SEM1: variants seen among roughly 807,000 people sequenced by gnomAD.
SEM1 encodes SEM1 26S proteasome subunit, also known as 26S proteasome complex subunit SEM1.
A neutral mutation model predicts 12.7 loss-of-function variants in SEM1; 3 were observed. The ratio of observed to expected loss-of-function variants is 0.24; its 90% confidence interval spans 0.11 to 0.61. The LOEUF (loss-of-function observed/expected upper bound fraction) is 0.61. SEM1 is among the 20% of genes least tolerant of loss of function. The pLI, the probability that SEM1 is intolerant of heterozygous loss-of-function variation, is 0.88. For synonymous variants in SEM1, 30 were observed against 27.8 expected (o/e 1.08, Z -0.25); for missense variants, 59 against 81.3 (o/e 0.73, Z 1.06).
intron 2 of SEM1, among the ~76,000 whole-genome samples, chr7:96,558,810 T>C (rs1278058149): frequency 2.6e-5 from 4 of 152,188 alleles, no homozygotes; most frequent in African/African-American, 4.8e-5. Flanking sequence ...ATGAAAAACA[T>C]TTCATCAGGA....
At chr7:96,632,784 GTT>G (rs11296451) in intron 2 of SEM1, among the ~76,000 whole-genome samples, 224 of 110,152 alleles carry the variant, frequency 2.0e-3, no homozygotes, top group South Asian at 4.1e-3. Context: ...GTTGTTTTTT[GTT>G]TTTTTTTTTT....
intron 1 of SEM1, chr7:96,706,194 G>A (rs943631537): frequency 6.6e-6 from 1 of 152,102 alleles, no homozygotes; most frequent in Non-Finnish European, 1.5e-5. Context: ...GCTATAGAAT[G>A]GGGGAAAAAA....
At chr7:96,531,208 T>G (rs1482212947) in intron 2 of SEM1, among the ~76,000 whole-genome samples, 3 of 151,986 alleles carry the variant, frequency 2.0e-5, no homozygotes, top group Non-Finnish European at 4.4e-5. Flanking sequence ...TGAAAATTTA[T>G]GCTCTAATAG....
chr7:96,485,936 T>G (rs1802736061), intron 2 of SEM1, among the ~76,000 whole-genome samples: 1 of 152,014 alleles, frequency 6.6e-6, no homozygotes, highest in African/African-American at 2.4e-5. Flanking sequence ...GGACTTTTTG[T>G]GGGGGGTAAG....
At chr7:96,633,323 T>C (rs1013881242) in intron 2 of SEM1, among the ~76,000 whole-genome samples, 1 of 152,174 alleles carries the variant, frequency 6.6e-6, no homozygotes, top group Non-Finnish European at 1.5e-5. Flanking sequence ...CTTGCCTTGG[T>C]ATTTTGTAAT....
intron 2 of SEM1, among the ~76,000 whole-genome samples, chr7:96,562,506 G>A (rs930696754): frequency 1.3e-5 from 2 of 152,070 alleles, no homozygotes; most frequent in East Asian, 1.9e-4. Flanking sequence ...TATGATAAGC[G>A]CTACGCTAAA....
chr7:96,631,373 A>G (rs1393927905), intron 2 of SEM1, among the ~76,000 whole-genome samples: 1 of 152,036 alleles, frequency 6.6e-6, no homozygotes, highest in Non-Finnish European at 1.5e-5. Context: ...GTTAAGTTTC[A>G]TCCAGTTTTT....
intron 2 of SEM1, among the ~76,000 whole-genome samples, chr7:96,528,555 A>G (rs1323464495): frequency 6.6e-6 from 1 of 152,184 alleles, no homozygotes; most frequent in Non-Finnish European, 1.5e-5. Context: ...TGTAAGATAC[A>G]TCAGACAGGC....
At chr7:96,614,154 A>G (rs1807632380) in intron 2 of SEM1, among the ~76,000 whole-genome samples, 1 of 152,168 alleles carries the variant, frequency 6.6e-6, no homozygotes, top group Non-Finnish European at 1.5e-5. Context: ...TATCTACTTG[A>G]GGATCTTAAA....
At chr7:96,658,371 G>T (rs2116499970) in intron 2 of SEM1, among the ~76,000 whole-genome samples, 1 of 152,278 alleles carries the variant, frequency 6.6e-6, no homozygotes, top group South Asian at 2.1e-4. Context: ...CTTGGAAAAT[G>T]CATTTTATGT....
chr7:96,524,680 T>C (rs1473337032), intron 2 of SEM1, among the ~76,000 whole-genome samples: 1 of 152,014 alleles, frequency 6.6e-6, no homozygotes, highest in Non-Finnish European at 1.5e-5. Flanking sequence ...TATTATTTCA[T>C]TATGTAGTCA....
intron 2 of SEM1, among the ~76,000 whole-genome samples, chr7:96,602,319 G>T (rs564937577): frequency 6.6e-5 from 10 of 152,312 alleles, no homozygotes; most frequent in Admixed American, 3.3e-4. Flanking sequence ...TCTTTCCTCT[G>T]TTGAAAATGG....
rs1489607676 is a variant in SEM1, at chr7:96,640,937, C to T, written c.171-18294G>A. Among the ~76,000 whole-genome samples the T allele has an allele frequency of 6.6e-6, 1 of 151,944 alleles. No individual in the cohort carries two copies. Among genetic ancestry groups the T allele is most frequent in the Non-Finnish European group, 1.5e-5 (1 of 67,938 alleles). ...TTACAAAAAACTTAGAGTAATCTCA[C>T]ACTTGAAGGTTTGAGAAGACTCACT... On this transcript the variant is annotated intron_variant, in intron 2 of 2. Coordinates refer to the SEM1 transcript ENST00000417009. This position sits in a 1 kb window ranked among gnomAD's most constrained non-coding sequence, Gnocchi z 4.0.
intron 1 of SEM1, among the ~76,000 whole-genome samples, chr7:96,698,135 C>T (rs1260645418): frequency 6.6e-6 from 1 of 152,064 alleles, no homozygotes; most frequent in Non-Finnish European, 1.5e-5. Context: ...CATAATCATT[C>T]ATAACTATTC....
intron 2 of SEM1, among the ~76,000 whole-genome samples, chr7:96,691,682 G>A (rs1013416346): frequency 2.6e-5 from 4 of 152,176 alleles, no homozygotes; most frequent in Non-Finnish European, 4.4e-5. Flanking sequence ...TTTTAATCAA[G>A]ACAAATTTTT....
chr7:96,628,983 A>T (rs538523303), intron 2 of SEM1, among the ~76,000 whole-genome samples: 5 of 152,284 alleles, frequency 3.3e-5, no homozygotes, highest in South Asian at 4.1e-4. Flanking sequence ...CTGGCCTATA[A>T]GGTTTGCACT....
intron 2 of SEM1, among the ~76,000 whole-genome samples, chr7:96,612,650 CAG>C (rs1416693130): frequency 1.3e-5 from 2 of 152,072 alleles, no homozygotes; most frequent in Non-Finnish European, 2.9e-5. Context: ...GTTGTTTATA[CAG>C]AGTCTCGCTC....
chr7:96,636,620 A>G (rs947277053), intron 2 of SEM1, among the ~76,000 whole-genome samples: 6 of 152,118 alleles, frequency 3.9e-5, no homozygotes, highest in African/African-American at 7.2e-5. Context: ...GAATGTCTCA[A>G]TCACCACAGG....
chr7:96,589,975 T>C (rs138682217), intron 2 of SEM1, among the ~76,000 whole-genome samples: 3 of 152,292 alleles, frequency 2.0e-5, no homozygotes, highest in Admixed American at 2.0e-4. Flanking sequence ...CATTTATGCA[T>C]ACAGAGAAAA....
Sources: allele counts gnomAD v4.1 joint callset (sites outside exome capture counted in the v4.1 genomes callset), GRCh38; gene constraint gnomAD v4.1.1; non-coding constraint Gnocchi (gnomAD v3.1); transcripts MANE v1.5; gene names NCBI Gene and HGNC (gene_info 2026-07-23, HGNC 2026-07-21).